Variants in ELAVL2 observed in about 807,000 individuals in gnomAD.
The protein encoded by ELAVL2 is ELAV-like protein 2.
ELAVL2 carries 4 observed loss-of-function variants against 34.6 expected under a neutral mutation model. The ratio of observed to expected loss-of-function variants is 0.12; its 90% CI spans 0.06 to 0.26. The LOEUF is 0.26. Ranked by LOEUF, ELAVL2 falls within the 10% of genes least tolerant of loss-of-function variation. The probability of loss-of-function intolerance (pLI) is 1.00; values close to 1 mark genes in which losing one functional copy is unlikely to be tolerated. For missense variants in ELAVL2, 432 were observed against 442.8 expected (o/e 0.98, Z 0.22); for synonymous variants, 193 against 154.8 (o/e 1.25, Z -1.83).
At chr9:23,779,860 G>C (rs779952791) in intron 1 of ELAVL2, among the ~76,000 whole-genome samples, 1 of 151,582 alleles carries the variant, frequency 6.6e-6, no homozygotes, top group East Asian at 1.9e-4. Context: ...CAAAACTGTG[G>C]GTTTTATAGG....
the ELAVL2 span, among the ~76,000 whole-genome samples, chr9:23,838,677 C>T: frequency 1.6e-4 from 24 of 152,140 alleles, no homozygotes; most frequent in South Asian, 4.1e-3. Context: ...TTCTTCTTTT[C>T]GATGAATTAA....
intron 1 of ELAVL2, among the ~76,000 whole-genome samples, chr9:23,782,719 T>C (rs187403909): frequency 1.3e-5 from 2 of 152,336 alleles, no homozygotes; most frequent in South Asian, 2.1e-4. Context: ...AAAACCACTT[T>C]ATATGCTCAA....
intron 3 of ELAVL2, among the ~76,000 whole-genome samples, chr9:23,708,272 C>T (rs965983104): frequency 4.6e-5 from 7 of 152,198 alleles, no homozygotes; most frequent in African/African-American, 1.7e-4. Flanking sequence ...CATTATGAGA[C>T]TTCACCATTT....
At chr9:23,761,879 T>A (rs2055098622) in intron 2 of ELAVL2, 127 bp downstream of exon 2, 1 of 1,268,936 alleles carries the variant, frequency 7.9e-7, no homozygotes, top group African/African-American at 1.5e-5. Context: ...GCTGATGTAA[T>A]AACAGAGAGA....
At chr9:23,752,461 A>G (rs2052345072) in intron 2 of ELAVL2, among the ~76,000 whole-genome samples, 1 of 150,926 alleles carries the variant, frequency 6.6e-6, no homozygotes, top group South Asian at 2.1e-4. Context: ...CACTTAAGAA[A>G]CTTTTTTTTG....
the ELAVL2 span, among the ~76,000 whole-genome samples, chr9:23,850,383 T>C: frequency 6.6e-6 from 1 of 152,048 alleles, no homozygotes. Context: ...GGAAAACACT[T>C]CCAGAGGCAT....
At chr9:23,831,787 G>T in the ELAVL2 span, among the ~76,000 whole-genome samples, 3 of 148,816 alleles carry the variant, frequency 2.0e-5, no homozygotes, top group Admixed American at 6.7e-5. Flanking sequence ...GGGGCGCCTG[G>T]AATGGAATAT....
intron 1 of ELAVL2, among the ~76,000 whole-genome samples, chr9:23,816,138 A>G (rs1041884965): frequency 6.6e-6 from 1 of 152,178 alleles, no homozygotes; most frequent in South Asian, 2.1e-4. Flanking sequence ...AGGAAGAGAC[A>G]GCTACAGCTT....
At chr9:23,774,019 G>A (rs998811132) in intron 1 of ELAVL2, among the ~76,000 whole-genome samples, 2 of 151,746 alleles carry the variant, frequency 1.3e-5, no homozygotes, top group Non-Finnish European at 2.9e-5. Flanking sequence ...AGACCACCCT[G>A]GCTAACACGG....
chr9:23,733,230 A>C (rs1001588350), intron 2 of ELAVL2, among the ~76,000 whole-genome samples: 1 of 151,526 alleles, frequency 6.6e-6, no homozygotes, highest in African/African-American at 2.4e-5. Context: ...TCCCACTCCC[A>C]AAAATAGATA....
At chr9:23,819,675 G>C (rs2064249661) in intron 1 of ELAVL2, among the ~76,000 whole-genome samples, 1 of 152,158 alleles carries the variant, frequency 6.6e-6, no homozygotes, top group African/African-American at 2.4e-5. Context: ...CTGAAAGGTG[G>C]CAGCACAAAG....
chr9:23,792,919 C>T (rs144826777), intron 1 of ELAVL2, among the ~76,000 whole-genome samples: 1 of 152,078 alleles, frequency 6.6e-6, no homozygotes, highest in South Asian at 2.1e-4. Flanking sequence ...TACAGGCATG[C>T]ATCACCACAC....
At chr9:23,813,429 T>TA (rs955021270) in intron 1 of ELAVL2, among the ~76,000 whole-genome samples, 10 of 150,762 alleles carry the variant, frequency 6.6e-5, no homozygotes, top group African/African-American at 2.2e-4. Flanking sequence ...TTTTTTTTTT[T>TA]ACAACAATCT....
At chr9:23,775,082 G>A (rs1173440041) in intron 1 of ELAVL2, among the ~76,000 whole-genome samples, 1 of 152,100 alleles carries the variant, frequency 6.6e-6, no homozygotes, top group African/African-American at 2.4e-5. Flanking sequence ...ACTTTCCGTG[G>A]GATTTGAGTA....
chr9:23,695,847 T>C (rs1055361765), intron 5 of ELAVL2, among the ~76,000 whole-genome samples: 3 of 152,204 alleles, frequency 2.0e-5, no homozygotes, highest in Non-Finnish European at 2.9e-5. Context: ...TACATGTGAT[T>C]AACTGAAACG....
At chr9:23,820,643 ACTGCTGG>A (rs2064456594) in intron 1 of ELAVL2, among the ~76,000 whole-genome samples, 1 of 152,086 alleles carries the variant, frequency 6.6e-6, no homozygotes, top group African/African-American at 2.4e-5. Flanking sequence ...CGTGAGAAAG[ACTGCTGG>A]CTAAGCATTG....
chr9:23,718,174 T>C (rs990280473), intron 3 of ELAVL2, among the ~76,000 whole-genome samples: 3 of 152,142 alleles, frequency 2.0e-5, no homozygotes, highest in African/African-American at 4.8e-5. Flanking sequence ...ATTTTAAAAA[T>C]AGGATTCCTC....
intron 5 of ELAVL2, among the ~76,000 whole-genome samples, chr9:23,695,647 C>T (rs2034893059): frequency 6.6e-6 from 1 of 152,154 alleles, no homozygotes; most frequent in African/African-American, 2.4e-5. Context: ...CTATGGCTCC[C>T]AGTCTACAAA....
intron 1 of ELAVL2, among the ~76,000 whole-genome samples, chr9:23,775,450 C>T (rs987588663): frequency 1.3e-5 from 2 of 152,142 alleles, no homozygotes; most frequent in Admixed American, 6.5e-5. Context: ...CAAGAGTTCA[C>T]ACAAGTATTA....
Sources: allele counts gnomAD v4.1 joint callset (sites outside exome capture counted in the v4.1 genomes callset), GRCh38; gene constraint gnomAD v4.1.1; transcripts MANE v1.5; gene names NCBI Gene and HGNC (gene_info 2026-07-23, HGNC 2026-07-21).